AFF3: variants seen among roughly 807,000 people sequenced by gnomAD.
AFF3 encodes the protein ALF transcription elongation factor 3.
AFF3 carries 32 observed loss-of-function variants against 129.7 expected under a neutral mutation model. The observed-to-expected ratio is 0.25, with a 90% CI of 0.19 to 0.33. The LOEUF (loss-of-function observed/expected upper bound fraction) is 0.33. Among genes scored for constraint, AFF3 ranks in the 10% least tolerant of loss-of-function variants. AFF3 has a pLI of 1.00. For synonymous variants in AFF3, 644 were observed against 635.4 expected, an observed-to-expected ratio of 1.01 and a Z score of -0.20; for missense variants, 1,373 against 1,592.0, an observed-to-expected ratio of 0.86 and a Z score of 2.34.
At chr2:99,859,128 G>T (rs1220283429) in intron 7 of AFF3, among the ~76,000 whole-genome samples, 1 of 152,140 alleles carries the variant, frequency 6.6e-6, no homozygotes, top group Non-Finnish European at 1.5e-5. Flanking sequence ...TCCTCTAATA[G>T]AATTATTTTA....
chr2:100,104,810 C>T (rs1312441048), intron 3 of AFF3: 5 of 467,426 alleles, frequency 1.1e-5, no homozygotes, highest in Non-Finnish European at 1.4e-5. Context: ...CCGCCGCCGC[C>T]GCCGCCGCCG....
chr2:100,074,044 A>T (rs1688401693), intron 4 of AFF3, among the ~76,000 whole-genome samples: 1 of 152,146 alleles, frequency 6.6e-6, no homozygotes, highest in African/African-American at 2.4e-5. Flanking sequence ...ACTGCGAACG[A>T]CCACCACCCC....
intron 13 of AFF3, among the ~76,000 whole-genome samples, chr2:99,603,804 A>G (rs1680071302): frequency 6.6e-6 from 1 of 152,244 alleles, no homozygotes; most frequent in South Asian, 2.1e-4. Flanking sequence ...ATCCCATTAA[A>G]AAGTGGGAAA....
intron 1 of AFF3, among the ~76,000 whole-genome samples, chr2:100,132,667 C>G (rs1692470443): frequency 6.6e-6 from 1 of 152,126 alleles, no homozygotes; most frequent in Admixed American, 6.5e-5. Flanking sequence ...CTCTCGCTGT[C>G]CACTATGGTA....
At chr2:99,556,538 T>A (rs1370026111) in intron 22 of AFF3, among the ~76,000 whole-genome samples, 2 of 152,246 alleles carry the variant, frequency 1.3e-5, no homozygotes, top group African/African-American at 4.8e-5. Context: ...TCTTTTTTTT[T>A]AGAGATAGCT....
intron 7 of AFF3, among the ~76,000 whole-genome samples, chr2:99,942,653 G>C (rs1419532140): frequency 6.6e-6 from 1 of 152,032 alleles, no homozygotes; most frequent in East Asian, 1.9e-4. Context: ...GAATAGGTCA[G>C]ATAGAATGTT....
chr2:99,760,600 T>C (rs1682492372), intron 8 of AFF3, among the ~76,000 whole-genome samples: 1 of 152,206 alleles, frequency 6.6e-6, no homozygotes, highest in Non-Finnish European at 1.5e-5. Flanking sequence ...ACTGTAGCCA[T>C]GGTCCTCACC....
chr2:99,834,040 AG>A (rs1688685297), intron 8 of AFF3, among the ~76,000 whole-genome samples: 2 of 152,250 alleles, frequency 1.3e-5, no homozygotes, highest in Admixed American at 1.3e-4. Context: ...GTTAAAGATG[AG>A]GTTGATAACA....
chr2:99,619,422 G>A (rs1474866205), intron 13 of AFF3, among the ~76,000 whole-genome samples: 1 of 152,170 alleles, frequency 6.6e-6, no homozygotes, highest in Admixed American at 6.5e-5. Context: ...TTGTTCCCTG[G>A]GTGAGGACAC....
At chr2:99,651,279 A>C (rs1279792913) in intron 12 of AFF3, among the ~76,000 whole-genome samples, 1 of 151,336 alleles carries the variant, frequency 6.6e-6, no homozygotes, top group African/African-American at 2.4e-5. Context: ...TTTGCCTTCT[A>C]TCTCTGGGCC....
In AFF3 at chr2:99,593,612, G is replaced by C. The variant is rs1047281; in HGVS notation, c.2049C>G (p.Ser683=). ...TGGACAGAGGGTACTCCTCCTGCTC[G>C]GACTCCAGGTCGGAGTCCGAGGAGG... ...SSSSSDSDLE[S]EQEEYPLSKA... The change falls in exon 15 of 25, where the codon TCC becomes TCG. Residue 683 remains serine, a synonymous_variant. Transcript: ENST00000672756. The C allele has an allele frequency of 0.2, 321,435 of 1,610,992 alleles. 33,248 individuals are homozygous for C. The highest frequency in any genetic ancestry group is 0.24 in the South Asian group (21,664 of 91,046).
In AFF3 at chr2:100,104,679, C is replaced by T. The variant is rs866069460; in HGVS notation, c.-64-161G>A. On this transcript the variant is annotated intron_variant, in intron 3 of 24. Coordinates refer to ENST00000672756, the MANE Select transcript of AFF3 (RefSeq NM_001386135.1). ...GCCGGCGCACTCACCCGCTCCCCGG[C>T]TTGCGCGCAGGCACACTCAAGAGAG... 3.9e-4 allele frequency: 381 copies of T among 975,068 alleles called. 1 individual carries two copies. The African/African-American group carries it at 6.3e-3, about 16-fold the overall frequency. The allele number at this position is 975,068 out of a possible 1,614,324, so 60.4% of individuals were successfully genotyped here. A position where few individuals can be genotyped will look rare whatever the true frequency, so the allele number is the denominator to read the frequency against.
At position 99,694,215 on chromosome 2, in the gene AFF3, G is replaced by C. The variant is rs963851088; in HGVS notation, c.1092-21626C>G. ...GTCTGGCCTCATTCCTTAATCCTTT[G>C]TTAGAACTTTCTAGTCAATACATTA... On this transcript the variant is annotated intron_variant, in intron 11 of 24. Transcript: ENST00000672756. 4.0e-5 allele frequency among the ~76,000 whole-genome samples: 6 copies of C among 151,684 alleles called. No homozygotes were observed. In the East Asian group the frequency reaches 9.6e-4, roughly 24 times the overall value.
chr2:99,644,409 C>T (rs1004298249), intron 13 of AFF3, among the ~76,000 whole-genome samples: 2 of 152,036 alleles, frequency 1.3e-5, no homozygotes, highest in Admixed American at 6.6e-5. Flanking sequence ...TCTAGCTGAA[C>T]GTGATTTATT....
intron 8 of AFF3, among the ~76,000 whole-genome samples, chr2:99,759,250 C>T (rs1682383410): frequency 6.6e-6 from 1 of 152,180 alleles, no homozygotes; most frequent in Non-Finnish European, 1.5e-5. Context: ...AACCATTTAT[C>T]TCTCTTTGAA....
chr2:99,898,234 G>C (rs1472392795), intron 7 of AFF3, among the ~76,000 whole-genome samples: 3 of 152,086 alleles, frequency 2.0e-5, no homozygotes, highest in Admixed American at 6.5e-5. Flanking sequence ...TTCCCTAAAG[G>C]ATCTTCAAAA....
At chr2:99,958,584 G>A (rs1176997437) in intron 7 of AFF3, among the ~76,000 whole-genome samples, 1 of 152,084 alleles carries the variant, frequency 6.6e-6, no homozygotes, top group Non-Finnish European at 1.5e-5. Context: ...ACCGTGATGG[G>A]AAATGTAGAT....
chr2:99,657,988 T>C (rs1685900282), intron 12 of AFF3, among the ~76,000 whole-genome samples: 2 of 152,206 alleles, frequency 1.3e-5, no homozygotes, highest in Non-Finnish European at 2.9e-5. Flanking sequence ...TTCTAGGACA[T>C]TTCACTCCCT....
At chr2:99,892,242 G>A (rs533051237) in intron 7 of AFF3, among the ~76,000 whole-genome samples, 7 of 152,144 alleles carry the variant, frequency 4.6e-5, no homozygotes, top group African/African-American at 1.2e-4. Flanking sequence ...TTAATTAAAC[G>A]TCTAAAAACA....
Sources: allele counts gnomAD v4.1 joint callset (sites outside exome capture counted in the v4.1 genomes callset), GRCh38; gene constraint gnomAD v4.1.1; transcripts MANE v1.5; gene names NCBI Gene and HGNC (gene_info 2026-07-23, HGNC 2026-07-21).